Variants in GRM3 observed in about 807,000 individuals in gnomAD.
GRM3 encodes metabotropic glutamate receptor 3.
Under a neutral mutation model 70.5 loss-of-function variants are expected in GRM3, and 26 were observed. The ratio of observed to expected loss-of-function variants is 0.37; its 90% CI spans 0.27 to 0.51. The LOEUF (loss-of-function observed/expected upper bound fraction) is 0.51, where lower values mean the gene tolerates loss of function less well. Among genes scored for constraint, GRM3 ranks in the 20% least tolerant of loss-of-function variants. The pLI is 0.93. For synonymous variants in GRM3, 443 were observed against 434.9 expected (o/e 1.02, Z -0.23); for missense variants, 859 against 1,123.8 (o/e 0.76, Z 3.37).
chr7:86,850,092 A>G (rs562369523), intron 4 of GRM3, among the ~76,000 whole-genome samples: 34 of 152,312 alleles, frequency 2.2e-4, no homozygotes, highest in African/African-American at 6.7e-4. Context: ...CTTTATAAAA[A>G]TATAAAGAAA....
At chr7:86,705,047 ATT>A (rs755428922) in intron 1 of GRM3, among the ~76,000 whole-genome samples, 36 of 151,878 alleles carry the variant, frequency 2.4e-4, no homozygotes, top group South Asian at 1.0e-3. Flanking sequence ...TTTATATAGC[ATT>A]TTTTTGAACA....
At chr7:86,746,437 G>A (rs1382360404) in intron 1 of GRM3, among the ~76,000 whole-genome samples, 2 of 145,340 alleles carry the variant, frequency 1.4e-5, no homozygotes, top group Non-Finnish European at 3.0e-5. Context: ...GAACTTAAGT[G>A]GATAGACTGC....
chr7:86,855,162 T>G (rs1475107503), intron 5 of GRM3, among the ~76,000 whole-genome samples: 1 of 152,264 alleles, frequency 6.6e-6, no homozygotes, highest in Non-Finnish European at 1.5e-5. Flanking sequence ...GCAAAAGAGA[T>G]TCCCAGAGTT....
At chr7:86,767,541 ATATATATATATATATAT>A (rs1451648628) in intron 2 of GRM3, among the ~76,000 whole-genome samples, 3 of 142,320 alleles carry the variant, frequency 2.1e-5, no homozygotes. Context: ...ATATATATAT[ATATATATATATATATAT>A]AAATGAAGTA....
Position 86,787,556 on chromosome 7 carries a change from C to CAG in GRM3, c.1324+460_1324+461dup, listed in dbSNP as rs71117519. Among the ~76,000 whole-genome samples the CAG allele has an allele frequency of 1.9e-3, 285 of 149,996 alleles. 2 individuals are homozygous for CAG. Among genetic ancestry groups the CAG allele is most frequent in the Middle Eastern group, 7.1e-3 (2 of 282 alleles). ...ATCTCATAACTTTCACAGTGGGTGA[C>CAG]AGAGAGAGAGAGAGAGAGAGAAGTC... On this transcript the variant is annotated intron_variant, in intron 3 of 5. Coordinates refer to ENST00000361669, the MANE Select transcript of GRM3 (RefSeq NM_000840.3).
At chr7:86,715,144 T>C (rs977333000) in intron 1 of GRM3, among the ~76,000 whole-genome samples, 1 of 152,046 alleles carries the variant, frequency 6.6e-6, no homozygotes, top group Non-Finnish European at 1.5e-5. Context: ...TCTGTGTTTG[T>C]CAGTCACCCA....
chr7:86,729,040 G>A (rs941028024), intron 1 of GRM3, among the ~76,000 whole-genome samples: 2 of 152,108 alleles, frequency 1.3e-5, no homozygotes. Flanking sequence ...GTCTGCTTTC[G>A]TTCCACCTTT....
chr7:86,685,715 G>T, intron 1 of GRM3, among the ~76,000 whole-genome samples: 1 of 152,052 alleles, frequency 6.6e-6, no homozygotes, highest in South Asian at 2.1e-4. Flanking sequence ...GACCATCCTG[G>T]ACAACAGGGT....
intron 1 of GRM3, among the ~76,000 whole-genome samples, chr7:86,736,556 G>A (rs919822279): frequency 4.6e-5 from 7 of 152,258 alleles, no homozygotes; most frequent in African/African-American, 1.4e-4. Flanking sequence ...TAAGGGAAAC[G>A]TAGCAATTCT....
chr7:86,652,187 G>T (rs1286333323), intron 1 of GRM3, among the ~76,000 whole-genome samples: 1 of 151,388 alleles, frequency 6.6e-6, no homozygotes, highest in Non-Finnish European at 1.5e-5. Context: ...ATGAAGCCCT[G>T]GTAGGAAAAA....
intron 3 of GRM3, among the ~76,000 whole-genome samples, chr7:86,815,407 T>C (rs1275846090): frequency 6.6e-6 from 1 of 151,836 alleles, no homozygotes; most frequent in Non-Finnish European, 1.5e-5. Context: ...GACTGGTATG[T>C]TTGATTTTGA....
intron 1 of GRM3, among the ~76,000 whole-genome samples, chr7:86,715,487 G>A (rs1795292792): frequency 6.6e-6 from 1 of 151,948 alleles, no homozygotes; most frequent in African/African-American, 2.4e-5. Context: ...ATAAGTAGAT[G>A]CCCAGTAAAT....
chr7:86,683,785 C>T (rs961001952), intron 1 of GRM3, among the ~76,000 whole-genome samples: 2 of 151,930 alleles, frequency 1.3e-5, no homozygotes, highest in African/African-American at 4.8e-5. Flanking sequence ...GTGCCAGGTG[C>T]CTTTAATAGA....
At chr7:86,819,388 T>C (rs1310980610) in intron 3 of GRM3, among the ~76,000 whole-genome samples, 1 of 152,110 alleles carries the variant, frequency 6.6e-6, no homozygotes, top group Non-Finnish European at 1.5e-5. Context: ...GTCCTAAAAC[T>C]GTTATTGCTT....
chr7:86,763,908 G>A (rs1316142873), intron 1 of GRM3, among the ~76,000 whole-genome samples: 1 of 152,120 alleles, frequency 6.6e-6, no homozygotes, highest in Non-Finnish European at 1.5e-5. Flanking sequence ...CTAGGGTCCT[G>A]CTACGAATTA....
chr7:86,719,966 A>G (rs1795418518), intron 1 of GRM3, among the ~76,000 whole-genome samples: 1 of 152,042 alleles, frequency 6.6e-6, no homozygotes, highest in African/African-American at 2.4e-5. Flanking sequence ...GGATAAAAGT[A>G]GTATAAACTA....
chr7:86,716,916 G>T (rs767420942), intron 1 of GRM3, among the ~76,000 whole-genome samples: 1 of 151,848 alleles, frequency 6.6e-6, no homozygotes, highest in Non-Finnish European at 1.5e-5. Flanking sequence ...TTTTTCCAGT[G>T]CAAGTAGACA....
chr7:86,820,650 T>G (rs1195111342), intron 3 of GRM3, among the ~76,000 whole-genome samples: 2 of 152,132 alleles, frequency 1.3e-5, no homozygotes, highest in African/African-American at 4.8e-5. Context: ...CAGCTGATAT[T>G]TAGGGAGGCT....
At chr7:86,765,714 T>C in intron 2 of GRM3, 101 bp downstream of exon 2, 1 of 899,616 alleles carries the variant, frequency 1.1e-6, no homozygotes, top group Non-Finnish European at 1.7e-6. Flanking sequence ...CAACGGATTA[T>C]ATCAACAATG....
Sources: gnomAD v4.1 joint callset for allele counts (sites outside exome capture counted in the v4.1 genomes callset) on GRCh38, gnomAD v4.1.1 for gene constraint, MANE v1.5 for transcripts, NCBI Gene and HGNC (gene_info 2026-07-23, HGNC 2026-07-21) for gene names.